Variants in CCDC73 observed in about 807,000 individuals in gnomAD.
CCDC73 encodes coiled-coil domain containing 73.
A neutral mutation model predicts 116.5 loss-of-function variants in CCDC73; 95 were observed. The ratio of observed to expected loss-of-function variants is 0.82; its 90% CI spans 0.69 to 0.97. CCDC73 has a LOEUF of 0.97. Ranked by LOEUF, CCDC73 falls within the 50% of genes least tolerant of loss-of-function variation. CCDC73 has a pLI of 0.00. For synonymous variants in CCDC73, 398 were observed against 401.3 expected, an observed-to-expected ratio of 0.99 and a Z score of 0.10; for missense variants, 1,066 against 1,206.8, an observed-to-expected ratio of 0.88 and a Z score of 1.73.
intron 9 of CCDC73, among the ~76,000 whole-genome samples, chr11:32,665,648 G>T (rs947679465): frequency 6.6e-6 from 1 of 152,094 alleles, no homozygotes; most frequent in African/African-American, 2.4e-5. Flanking sequence ...GGAGCATTTA[G>T]CCCATTTACA....
chr11:32,691,927 A>C (rs1856262875), intron 6 of CCDC73, among the ~76,000 whole-genome samples: 1 of 151,838 alleles, frequency 6.6e-6, no homozygotes, highest in African/African-American at 2.4e-5. Context: ...AGGTGCCTGT[A>C]GTCCCAGCTA....
intron 3 of CCDC73, among the ~76,000 whole-genome samples, chr11:32,708,334 A>G (rs1391307664): frequency 2.0e-5 from 3 of 152,114 alleles, no homozygotes; most frequent in Non-Finnish European, 2.9e-5. Context: ...AAGTCAGGTA[A>G]TGTGATGTCT....
At chr11:32,742,608 C>T (rs926841455) in intron 2 of CCDC73, among the ~76,000 whole-genome samples, 1 of 152,140 alleles carries the variant, frequency 6.6e-6, no homozygotes, top group Non-Finnish European at 1.5e-5. Context: ...CTGTAGGTTG[C>T]CTGTTCACTC....
chr11:32,647,716 A>G (rs1855790919), intron 12 of CCDC73, among the ~76,000 whole-genome samples: 1 of 151,910 alleles, frequency 6.6e-6, no homozygotes, highest in Non-Finnish European at 1.5e-5. Flanking sequence ...GAGTTAGGCT[A>G]GTTGCCCTCT....
chr11:32,689,884 G>A (rs957994460), intron 6 of CCDC73, among the ~76,000 whole-genome samples: 8 of 151,980 alleles, frequency 5.3e-5, no homozygotes, highest in Admixed American at 3.3e-4. Flanking sequence ...GGTCCAAGCT[G>A]CTCAGGAGGC....
chr11:32,828,024 G>C, the CCDC73 span, among the ~76,000 whole-genome samples: 1 of 152,064 alleles, frequency 6.6e-6, no homozygotes, highest in Non-Finnish European at 1.5e-5. Context: ...TAGACCACGA[G>C]GTAGACAAAT....
chr11:32,628,188 T>C (rs1178520158), intron 14 of CCDC73, among the ~76,000 whole-genome samples: 1 of 152,178 alleles, frequency 6.6e-6, no homozygotes, highest in Non-Finnish European at 1.5e-5. Flanking sequence ...AATTGCGTTC[T>C]CTGAGAGAAA....
chr11:32,752,705 C>A (rs899925741), intron 2 of CCDC73, among the ~76,000 whole-genome samples: 4 of 152,158 alleles, frequency 2.6e-5, no homozygotes, highest in African/African-American at 9.7e-5. Context: ...TGTATTTCTT[C>A]ATCCTGTTCA....
chr11:32,828,230 C>G, the CCDC73 span, among the ~76,000 whole-genome samples: 4 of 152,008 alleles, frequency 2.6e-5, no homozygotes, highest in Non-Finnish European at 5.9e-5. Flanking sequence ...AATTTGAGGC[C>G]GGGCACAGTG....
chr11:32,748,927 T>C (rs573272442), intron 2 of CCDC73, among the ~76,000 whole-genome samples: 2 of 152,302 alleles, frequency 1.3e-5, no homozygotes, highest in South Asian at 2.1e-4. Context: ...TGGAGCTCCA[T>C]GTATGTTATT....
chr11:32,690,098 T>TC (rs1856240786), intron 6 of CCDC73, among the ~76,000 whole-genome samples: 1 of 152,136 alleles, frequency 6.6e-6, no homozygotes, highest in African/African-American at 2.4e-5. Context: ...AAATATATCT[T>TC]CTTAGGAGTT....
intron 17 of CCDC73, among the ~76,000 whole-genome samples, chr11:32,606,548 A>C (rs1855353505): frequency 6.6e-6 from 1 of 152,244 alleles, no homozygotes; most frequent in South Asian, 2.1e-4. Flanking sequence ...AGTAATAAGC[A>C]CTTAGAAAAT....
chr11:32,643,475 T>C (rs376858345), intron 12 of CCDC73, among the ~76,000 whole-genome samples: 2 of 152,230 alleles, frequency 1.3e-5, no homozygotes, highest in East Asian at 3.9e-4. Context: ...ACCTAGATGG[T>C]ATAGCCTACT....
At chr11:32,626,772 T>G (rs909743592) in intron 14 of CCDC73, among the ~76,000 whole-genome samples, 2 of 152,216 alleles carry the variant, frequency 1.3e-5, no homozygotes, top group East Asian at 1.9e-4. Flanking sequence ...GCTAGCCACA[T>G]GTAGAAAGCT....
At position 32,614,670 on chromosome 11, in the gene CCDC73, T is replaced by C. The variant is rs1855458333; in HGVS notation, c.1648A>G (p.Ile550Val). The C allele has an allele frequency of 2.5e-6, 4 of 1,612,944 alleles. No individual in the cohort carries two copies. Among genetic ancestry groups the C allele is most frequent in the Non-Finnish European group, 3.4e-6 (4 of 1,179,388 alleles). Reference protein sequence around the residue: ...VLDTAIETEKIHLERTRGLDV... With the variant: ...VLDTAIETEKVHLERTRGLDV... The stretch of plus-strand genomic sequence containing the variant: ...AATCCTCTGGTTCTTTCTAGATGTA[T>C]TTTTTCTGTTTCTATTGCTGTATCT... Residue 550 changes from isoleucine (I) to valine (V), a missense_variant, in exon 16 of 18, where the codon ATA becomes GTA. Coordinates refer to ENST00000335185, the MANE Select transcript of CCDC73 (RefSeq NM_001008391.4).
intron 2 of CCDC73, among the ~76,000 whole-genome samples, chr11:32,730,413 T>C (rs1850064992): frequency 6.6e-6 from 1 of 152,202 alleles, no homozygotes; most frequent in South Asian, 2.1e-4. Flanking sequence ...TCCTCCATTT[T>C]TGAGGATTTT....
At position 32,745,745 on chromosome 11, in the gene CCDC73, G is replaced by GTT. The variant is rs140610634; in HGVS notation, c.135+14362_135+14363dup. 1.5e-3 allele frequency among the ~76,000 whole-genome samples: 168 copies of GTT among 113,890 alleles called. No homozygotes were observed. The Middle Eastern group carries it at 0.022, about 15-fold the overall frequency. The allele number at this position is 113,890 out of a possible 152,430, so 74.7% of individuals were successfully genotyped here. On this transcript the variant is annotated intron_variant, in intron 2 of 17. Coordinates refer to ENST00000335185, the MANE Select transcript of CCDC73 (RefSeq NM_001008391.4). ...TTTTTTTGTTTGTTTGTTTGTTTTGGTTTTTTTTTTTTTTTTGCTTTCCAT... is the reference window on the plus strand; with the variant it reads ...TTTTTTTGTTTGTTTGTTTGTTTTGGTTTTTTTTTTTTTTTTTTGCTTTCCAT...
intron 7 of CCDC73, among the ~76,000 whole-genome samples, chr11:32,679,488 C>T (rs1222924582): frequency 7.9e-5 from 12 of 152,034 alleles, no homozygotes; most frequent in African/African-American, 2.7e-4. Context: ...CTCAGCCTCC[C>T]GAGTAGCTAG....
At position 32,648,957 on chromosome 11, in the gene CCDC73, A is replaced by T. The variant is rs201616621; in HGVS notation, c.939+4166T>A. Among the ~76,000 whole-genome samples, 3 of 152,198 alleles carry T rather than the reference A, an allele frequency of 2.0e-5. No individual in the cohort carries two copies. In the East Asian group the frequency reaches 5.8e-4, roughly 29 times the overall value. The stretch of plus-strand genomic sequence containing the variant: ...TGGGGTATTTTTGCATCTGGATAAC[A>T]GAGAGAGCTGATCTAGCAATTTTGT... On this transcript the variant is annotated intron_variant, in intron 12 of 17. Coordinates refer to ENST00000335185, the MANE Select transcript of CCDC73 (RefSeq NM_001008391.4).
Sources: allele counts gnomAD v4.1 joint callset (sites outside exome capture counted in the v4.1 genomes callset), GRCh38; gene constraint gnomAD v4.1.1; transcripts MANE v1.5; gene names NCBI Gene and HGNC (gene_info 2026-07-23, HGNC 2026-07-21).